Variants in GOLGA8H observed in about 807,000 individuals in gnomAD.
GOLGA8H encodes golgin subfamily A member 8H.
Under a neutral mutation model 82.7 loss-of-function variants are expected in GOLGA8H, and 47 were observed. The observed-to-expected ratio is 0.57, with a 90% CI of 0.45 to 0.73. The LOEUF (loss-of-function observed/expected upper bound fraction) is 0.73. Ranked by LOEUF, GOLGA8H falls within the 30% of genes least tolerant of loss-of-function variation. GOLGA8H has a pLI of 0.00. For missense variants in GOLGA8H, 372 were observed against 661.0 expected, an observed-to-expected ratio of 0.56 and a Z score of 4.79; for synonymous variants, 108 against 241.6, an observed-to-expected ratio of 0.45 and a Z score of 5.13.
Position 30,608,967 on chromosome 15 carries a change from C to G in GOLGA8H, c.591+211C>G, listed in dbSNP as rs577176281. Among the ~76,000 whole-genome samples, 4 of 118,452 alleles carry G rather than the reference C, an allele frequency of 3.4e-5. 1 individual carries two copies. Among genetic ancestry groups the G allele is most frequent in the African/African-American group, 7.0e-5 (2 of 28,490 alleles). The allele number at this position is 118,452 out of a possible 152,430, so 77.7% of individuals were successfully genotyped here. A position where few individuals can be genotyped will look rare whatever the true frequency, so the allele number is the denominator to read the frequency against. On this transcript the variant is annotated intron_variant, in intron 8 of 18. Transcript: ENST00000566740. Reference sequence around the variant, plus strand: ...GTCACTGTGTGGAGTGAGCACTGGACGCAGAGCTTGGAGGCCAAATGCCTG... The same window carrying G: ...GTCACTGTGTGGAGTGAGCACTGGAGGCAGAGCTTGGAGGCCAAATGCCTG...
rs767748881 is a variant in GOLGA8H, at chr15:30,610,103, G to C, written c.783G>C (p.Gln261His). ...RWQQRMRKMS[Q>H]EICTLKKEKQ... ...AGCAGAGGATGAGAAAAATGTCGCA[G>C]GAGGTGAGATCTCACCCTTCAGCCC... Residue 261 changes from glutamine to histidine, a missense_variant, in exon 10 of 19, where the codon CAG (glutamine) becomes CAC (histidine). By Grantham distance (24) the Gln-to-His change is conservative. Coordinates refer to ENST00000566740, the MANE Select transcript of GOLGA8H (RefSeq NM_001282490.2). 2 of 1,610,902 alleles carry C rather than the reference G, an allele frequency of 1.2e-6. No homozygotes were observed. The highest frequency in any genetic ancestry group is 3.3e-5 in the Admixed American group (2 of 59,942).
At position 30,608,719 on chromosome 15, in the gene GOLGA8H, C is replaced by G. The variant is rs750006416; in HGVS notation, c.554C>G (p.Ser185Cys). ...AAAGGAGAGTTAGAGAGTGTTCTCT[C>G]TAATGTCATGGCCACACAGAAGAAG... Reference protein sequence around the residue: ...QRKGELESVLSNVMATQKKKA... With the variant: ...QRKGELESVLCNVMATQKKKA... The change falls in exon 8 of 19, where the codon TCT becomes TGT. Residue 185 changes from serine (S) to cysteine (C), a missense_variant. By Grantham distance (112) the Ser-to-Cys change is moderately radical. Transcript: ENST00000566740. The G allele has an allele frequency of 3.9e-6, 6 of 1,523,382 alleles. No individual in the cohort carries two copies. In the Admixed American group the frequency reaches 7.3e-5, roughly 18 times the overall value. The allele number at this position is 1,523,382 out of a possible 1,614,324, so 94.4% of individuals were successfully genotyped here. A position where few individuals can be genotyped will look rare whatever the true frequency, so the allele number is the denominator to read the frequency against.
intron 16 of GOLGA8H, 31 bp from the exon 17 acceptor site, chr15:30,613,922 G>A: frequency 2.5e-6 from 3 of 1,188,298 alleles, no homozygotes; most frequent in Non-Finnish European, 3.7e-6. Flanking sequence ...CGTCGGAGGG[G>A]CCCCAGCGTC....
intron 7 of GOLGA8H, 31 bp downstream of exon 7, chr15:30,608,582 A>G (rs1229808268): frequency 6.2e-7 from 1 of 1,606,840 alleles, no homozygotes; most frequent in Non-Finnish European, 8.5e-7. Flanking sequence ...TCATCCTTCA[A>G]CCTGGCACTT....
Position 30,607,665 on chromosome 15 carries a change from G to A in GOLGA8H, c.310-365G>A, listed in dbSNP as rs557159974. ...GTCTGTCCTTTTCCATCCTATATCT[G>A]CTGTAAAGAACCGTACCTGGTCCAT... On this transcript the variant is annotated intron_variant, in intron 4 of 18. Transcript: ENST00000566740. 381 of 513,626 alleles carry A rather than the reference G, an allele frequency of 7.4e-4. 9 individuals are homozygous for A. Among genetic ancestry groups the A allele is most frequent in the African/African-American group, 7.1e-3 (365 of 51,226 alleles). 31.8% of individuals were successfully genotyped at this position (513,626 alleles called of 1,614,324 possible). A position where few individuals can be genotyped will look rare whatever the true frequency, so the allele number is the denominator to read the frequency against.
rs1455679998 is a variant in GOLGA8H, at chr15:30,610,021, T to G, written c.701T>G (p.Val234Gly). The G allele has an allele frequency of 6.2e-7, 1 of 1,611,448 alleles. No homozygotes were observed. The highest frequency in any genetic ancestry group is 1.3e-5 in the African/African-American group (1 of 74,598). ...CAGTTGAAGGAGTCATTTCAACAAG[T>G]CCAATTAGAAAGAGATGAGTGTGCT... ...LTQLKESFQQ[V>G]QLERDECAEH... Residue 234 changes from valine to glycine, a missense_variant, in exon 10 of 19, where the codon GTC becomes GGC. Val to Gly is a moderately radical substitution (Grantham distance 109, BLOSUM62 -3). Transcript: ENST00000566740.
chr15:30,611,479 G>A (rs1264618958), intron 13 of GOLGA8H, 133 bp downstream of exon 13: 1 of 1,534,940 alleles, frequency 6.5e-7, no homozygotes. Context: ...CCGCAGGGCA[G>A]TCCTGTGACT....
chr15:30,607,727 C>G (rs1044984121), intron 4 of GOLGA8H: 1 of 600,694 alleles, frequency 1.7e-6, no homozygotes, highest in African/African-American at 1.9e-5. Context: ...GAACCCACTT[C>G]TCTAAATCAC....
At chr15:30,609,636 G>A (rs1189771131) in intron 8 of GOLGA8H, among the ~76,000 whole-genome samples, 170 bp from the exon 9 acceptor site, 1 of 151,684 alleles carries the variant, frequency 6.6e-6, no homozygotes, top group Non-Finnish European at 1.5e-5. Context: ...CTCATTCCCT[G>A]TCCGTTCCAA....
chr15:30,610,044 G>A lies in GOLGA8H; in HGVS notation c.724G>A (p.Ala242Thr), dbSNP rs201977336. 2.2e-5 allele frequency: 36 copies of A among 1,610,882 alleles called. No homozygotes were observed. Among genetic ancestry groups the A allele is most frequent in the Non-Finnish European group, 2.9e-5 (34 of 1,179,292 alleles). ...AGTCCAATTAGAAAGAGATGAGTGT[G>A]CTGAACATCTAAAAGGAGAGAGGGC... ...QQVQLERDECAEHLKGERARW... is the reference protein window; with the variant it reads ...QQVQLERDECTEHLKGERARW... The change falls in exon 10 of 19, where the codon GCT becomes ACT. Residue 242 changes from alanine to threonine, a missense_variant. By Grantham distance (58) the Ala-to-Thr change is moderately conservative. Transcript: ENST00000566740.
In GOLGA8H at chr15:30,615,540, T is replaced by C. The variant is rs1198524512; in HGVS notation, c.*979T>C. Among the ~76,000 whole-genome samples the C allele has an allele frequency of 1.3e-5, 2 of 149,594 alleles. No homozygotes were observed. Among genetic ancestry groups the C allele is most frequent in the African/African-American group, 5.0e-5 (2 of 40,384 alleles). Reference sequence around the variant, plus strand: ...GTCCCAGTACACAAAAGGGCACTGGTTGGCATTCTTCTTAATGTATTTAGT... The same window carrying C: ...GTCCCAGTACACAAAAGGGCACTGGCTGGCATTCTTCTTAATGTATTTAGT... On this transcript the variant is annotated 3_prime_UTR_variant, in exon 19 of 19. Coordinates refer to ENST00000566740, the MANE Select transcript of GOLGA8H (RefSeq NM_001282490.2).
At chr15:30,609,011 G>A (rs1209886060) in intron 8 of GOLGA8H, among the ~76,000 whole-genome samples, 2 of 134,494 alleles carry the variant, frequency 1.5e-5, no homozygotes, top group African/African-American at 3.0e-5. Context: ...TTACCTGGCT[G>A]TGGTCTTGAG....
At position 30,615,076 on chromosome 15, in the gene GOLGA8H, C is replaced by T. The variant is rs2060088862; in HGVS notation, c.*515C>T. On this transcript the variant is annotated 3_prime_UTR_variant, in exon 19 of 19. Coordinates refer to ENST00000566740, the MANE Select transcript of GOLGA8H (RefSeq NM_001282490.2). ...CACTGTTTATTACTTTGTAATATGC[C>T]ACTATGAGTACTGACATTTAGAGTT... is the stretch of plus-strand genomic sequence containing the variant. Among the ~76,000 whole-genome samples, 1 of 151,440 alleles carries T rather than the reference C, an allele frequency of 6.6e-6. No homozygotes were observed. Among genetic ancestry groups the T allele is most frequent in the Admixed American group, 6.6e-5 (1 of 15,162 alleles).
intron 4 of GOLGA8H, chr15:30,607,699 A>C (rs2140819447): frequency 1.7e-6 from 1 of 577,186 alleles, no homozygotes; most frequent in Admixed American, 3.0e-5. Context: ...ATACATGCTC[A>C]GTAAATGTTT....
At chr15:30,612,530 A>C in intron 13 of GOLGA8H, 67 bp from the exon 14 acceptor site, 2 of 1,390,924 alleles carry the variant, frequency 1.4e-6, no homozygotes, top group Middle Eastern at 2.4e-4. Flanking sequence ...GGAGCTGCTG[A>C]GGATGGGGCT....
In GOLGA8H at chr15:30,610,068, G is replaced by A. The variant is rs751593699; in HGVS notation, c.748G>A (p.Ala250Thr). ...ECAEHLKGER[A>T]RWQQRMRKMS... ...TGCTGAACATCTAAAAGGAGAGAGGGCCCGGTGGCAGCAGAGGATGAGAAA... is the reference window on the plus strand; with the variant it reads ...TGCTGAACATCTAAAAGGAGAGAGGACCCGGTGGCAGCAGAGGATGAGAAA... Residue 250 changes from alanine to threonine, a missense_variant, in exon 10 of 19, where the codon GCC (alanine) becomes ACC (threonine). Coordinates refer to ENST00000566740, the MANE Select transcript of GOLGA8H (RefSeq NM_001282490.2). 2.2e-5 allele frequency: 36 copies of A among 1,611,246 alleles called. No homozygotes were observed. Among genetic ancestry groups the A allele is most frequent in the Middle Eastern group, 2.0e-4 (1 of 4,976 alleles).
intron 2 of GOLGA8H, 43 bp downstream of exon 2, chr15:30,606,005 G>A: frequency 6.4e-7 from 1 of 1,572,278 alleles, no homozygotes; most frequent in Non-Finnish European, 8.6e-7. Context: ...GGGGGCCCAA[G>A]GGGCAATAGA....
chr15:30,606,346 C>T (rs373547394), intron 2 of GOLGA8H, among the ~76,000 whole-genome samples: 1 of 150,208 alleles, frequency 6.7e-6, no homozygotes, highest in African/African-American at 2.5e-5. Context: ...GAGCAAGACT[C>T]TGTCTCAAAG....
At position 30,615,454 on chromosome 15, in the gene GOLGA8H, G is replaced by T. The variant is rs550856193; in HGVS notation, c.*893G>T. Among the ~76,000 whole-genome samples the T allele has an allele frequency of 6.6e-6, 1 of 151,764 alleles. No homozygotes were observed. The highest frequency in any genetic ancestry group is 1.9e-4 in the East Asian group (1 of 5,152). On this transcript the variant is annotated 3_prime_UTR_variant, in exon 19 of 19. Transcript: ENST00000566740. ...AATCCTTTCCTAGCTTAGAGCATTT[G>T]TATCTACAATACATTTTAAAGTCAG...
Sources: gnomAD v4.1 joint callset for allele counts (sites outside exome capture counted in the v4.1 genomes callset) on GRCh38, gnomAD v4.1.1 for gene constraint, MANE v1.5 for transcripts, NCBI Gene and HGNC (gene_info 2026-07-23, HGNC 2026-07-21) for gene names.